SAXO1: variants seen among roughly 807,000 people sequenced by gnomAD.
The protein encoded by SAXO1 is 4930500O09Rik.
In SAXO1, 21 loss-of-function variants were observed where a neutral mutation model predicts 17.5. The ratio of observed to expected loss-of-function variants is 1.20; its 90% CI spans 0.85 to 1.72. SAXO1 has a LOEUF of 1.72. Among genes scored for constraint, SAXO1 ranks in the 40% most tolerant of loss-of-function variants. The probability of loss-of-function intolerance (pLI) is 0.00; values close to 1 mark genes in which losing one functional copy is unlikely to be tolerated. For synonymous variants in SAXO1, 274 were observed against 216.5 expected (o/e 1.27, Z -2.33); for missense variants, 843 against 596.0 (o/e 1.41, Z -4.32).
intron 1 of SAXO1, among the ~76,000 whole-genome samples, chr9:19,019,822 C>A (rs12349207): frequency 6.6e-6 from 1 of 152,102 alleles, no homozygotes; most frequent in Non-Finnish European, 1.5e-5. Context: ...CCCAAATCCA[C>A]TTTCACGCAA....
upstream of SAXO1, among the ~76,000 whole-genome samples, chr9:19,034,699 C>G (rs1835889987): frequency 6.6e-6 from 1 of 152,154 alleles, no homozygotes; most frequent in Non-Finnish European, 1.5e-5. Context: ...GAAGTCAGAA[C>G]TCTACAGGGG....
chr9:18,958,910 G>A (rs571114092), intron 1 of SAXO1, among the ~76,000 whole-genome samples: 2 of 152,298 alleles, frequency 1.3e-5, no homozygotes, highest in South Asian at 4.1e-4. Context: ...AACCGTATTT[G>A]CGAAGAAGGA....
chr9:19,015,059 G>A (rs568502748), intron 1 of SAXO1, among the ~76,000 whole-genome samples: 4 of 152,190 alleles, frequency 2.6e-5, no homozygotes, highest in South Asian at 2.1e-4. Context: ...GATGAAGGGC[G>A]TTAAGTGCTG....
At chr9:19,023,155 C>G (rs956700000) in intron 1 of SAXO1, among the ~76,000 whole-genome samples, 1 of 135,276 alleles carries the variant, frequency 7.4e-6, no homozygotes, top group African/African-American at 2.7e-5. Context: ...CCCCACCCCC[C>G]CGCCCCACCG....
intron 1 of SAXO1, among the ~76,000 whole-genome samples, chr9:19,014,442 C>G (rs1482932716): frequency 1.9e-5 from 2 of 106,488 alleles, no homozygotes; most frequent in South Asian, 3.0e-4. Context: ...GCCTGGGCAA[C>G]AGAGCGAAAC....
intron 1 of SAXO1, among the ~76,000 whole-genome samples, chr9:18,953,269 G>T (rs1188292850): frequency 2.0e-5 from 3 of 152,126 alleles, no homozygotes; most frequent in East Asian, 3.8e-4. Flanking sequence ...CCTTTTCAGT[G>T]CCCCTGTTTT....
At chr9:18,996,961 A>G (rs2130943342) in intron 1 of SAXO1, among the ~76,000 whole-genome samples, 1 of 152,204 alleles carries the variant, frequency 6.6e-6, no homozygotes, top group Admixed American at 6.5e-5. Context: ...AATCTAGGCA[A>G]ATTTAGGAGG....
chr9:18,928,156 T>G lies in SAXO1; in HGVS notation c.1321A>C (p.Arg441=). Reference sequence around the variant, plus strand: ...GCCTGGGAAACTGGTTTGTATATCCTGTGACCCAAAGCATCCACTTCCTCA... The same window carrying G: ...GCCTGGGAAACTGGTTTGTATATCCGGTGACCCAAAGCATCCACTTCCTCA... ...TFEEVDALGH[R]IYKPVSQAGS... Residue 441 remains arginine (R), a synonymous_variant, in exon 4 of 4, where the codon AGG becomes CGG. Transcript: ENST00000380534. 6.2e-7 allele frequency: 1 copy of G among 1,614,226 alleles called. No homozygotes were observed. The highest frequency in any genetic ancestry group is 8.5e-7 in the Non-Finnish European group (1 of 1,180,044).
At chr9:18,989,349 G>T (rs1234100141) in intron 1 of SAXO1, among the ~76,000 whole-genome samples, 1 of 152,074 alleles carries the variant, frequency 6.6e-6, no homozygotes, top group African/African-American at 2.4e-5. Context: ...GTTTTATATA[G>T]ATATTAATAC....
chr9:19,031,923 A>G lies in SAXO1; in HGVS notation c.38+948T>C, dbSNP rs558581974. Among the ~76,000 whole-genome samples the G allele has an allele frequency of 2.6e-5, 4 of 152,280 alleles. No homozygotes were observed. In the East Asian group the frequency reaches 5.8e-4, roughly 22 times the overall value. On this transcript the variant is annotated intron_variant, in intron 1 of 3. Coordinates refer to ENST00000380534, the MANE Select transcript of SAXO1 (RefSeq NM_153707.4). The stretch of plus-strand genomic sequence containing the variant: ...TCTCCACACTACTGATACCATTTTT[A>G]TATGCATGTGTCATATTTGCCCTTT...
chr9:18,987,026 G>A (rs1462794319), intron 1 of SAXO1, among the ~76,000 whole-genome samples: 1 of 152,112 alleles, frequency 6.6e-6, no homozygotes, highest in Non-Finnish European at 1.5e-5. Context: ...ATGATTCCTT[G>A]GAACAAATTG....
intron 2 of SAXO1, among the ~76,000 whole-genome samples, chr9:18,949,491 G>A (rs1831933671): frequency 6.6e-6 from 1 of 152,066 alleles, no homozygotes; most frequent in Non-Finnish European, 1.5e-5. Flanking sequence ...CCTGATTCAA[G>A]TCAAGCATCA....
chr9:18,994,308 G>T (rs190314281), intron 1 of SAXO1, among the ~76,000 whole-genome samples: 1 of 152,308 alleles, frequency 6.6e-6, no homozygotes, highest in Admixed American at 6.5e-5. Context: ...TGACGACAAT[G>T]TGCCATGTAC....
At chr9:19,013,701 C>A (rs2130995776) in intron 1 of SAXO1, among the ~76,000 whole-genome samples, 1 of 152,122 alleles carries the variant, frequency 6.6e-6, no homozygotes, top group South Asian at 2.1e-4. Flanking sequence ...CGTGCATCAC[C>A]ATGCCTGGCT....
intron 1 of SAXO1, among the ~76,000 whole-genome samples, chr9:19,021,720 G>A (rs904866578): frequency 6.6e-6 from 1 of 152,220 alleles, no homozygotes; most frequent in Non-Finnish European, 1.5e-5. Context: ...GGTACTTGGA[G>A]AACTTTTGTG....
chr9:18,945,001 G>T (rs564389139), intron 2 of SAXO1, among the ~76,000 whole-genome samples: 26 of 152,180 alleles, frequency 1.7e-4, no homozygotes, highest in African/African-American at 5.5e-4. Flanking sequence ...TCTTTCTCGG[G>T]AATCTCATCT....
intron 1 of SAXO1, among the ~76,000 whole-genome samples, chr9:19,023,252 G>A (rs935808592): frequency 6.7e-6 from 1 of 150,094 alleles, no homozygotes; most frequent in African/African-American, 2.5e-5. Flanking sequence ...GCTCCACAGA[G>A]CTGCTGGCAG....
chr9:19,010,668 G>C (rs1434079291), intron 1 of SAXO1, among the ~76,000 whole-genome samples: 1 of 152,064 alleles, frequency 6.6e-6, no homozygotes, highest in Non-Finnish European at 1.5e-5. Context: ...CTCCAGAATA[G>C]AAGCAACTTA....
intron 1 of SAXO1, among the ~76,000 whole-genome samples, chr9:19,004,743 G>A (rs1367535539): frequency 6.6e-6 from 1 of 152,200 alleles, no homozygotes; most frequent in African/African-American, 2.4e-5. Flanking sequence ...GGGAGGGATA[G>A]CGCTGGGAGA....
Sources: allele counts gnomAD v4.1 joint callset (sites outside exome capture counted in the v4.1 genomes callset), GRCh38; gene constraint gnomAD v4.1.1; transcripts MANE v1.5; gene names NCBI Gene and HGNC (gene_info 2026-07-23, HGNC 2026-07-21).